The following SMAD5 variants were observed in gnomAD, a reference collection of about 807,000 sequenced individuals.
The protein encoded by SMAD5 is SMAD family member 5.
Under a neutral mutation model 43.1 loss-of-function variants are expected in SMAD5, and 9 were observed. The observed-to-expected ratio is 0.21, with a 90% CI of 0.13 to 0.36. The LOEUF (loss-of-function observed/expected upper bound fraction) is 0.36, where lower values mean the gene tolerates loss of function less well. Ranked by LOEUF, SMAD5 falls within the 10% of genes least tolerant of loss-of-function variation. The pLI, the probability that SMAD5 is intolerant of heterozygous loss-of-function variation, is 1.00. For missense variants in SMAD5, 348 were observed against 574.0 expected, an observed-to-expected ratio of 0.61 and a Z score of 4.02; for synonymous variants, 190 against 192.4, an observed-to-expected ratio of 0.99 and a Z score of 0.10.
chr5:136,136,789 G>A (rs879750860), intron 1 of SMAD5, among the ~76,000 whole-genome samples: 2 of 151,982 alleles, frequency 1.3e-5, no homozygotes, highest in Non-Finnish European at 2.9e-5. Flanking sequence ...TCTGCCTCCC[G>A]GCTTCAAGCG....
chr5:136,157,764 ACT>A (rs1022184952), intron 3 of SMAD5, among the ~76,000 whole-genome samples: 30 of 152,102 alleles, frequency 2.0e-4, no homozygotes, highest in Admixed American at 1.3e-3. Context: ...AGCTTCGCTC[ACT>A]CTCTCTCACC....
At chr5:136,155,738 G>T (rs149528202) in intron 3 of SMAD5, among the ~76,000 whole-genome samples, 15 of 152,058 alleles carry the variant, frequency 9.9e-5, no homozygotes, top group Non-Finnish European at 1.6e-4. Flanking sequence ...TCAAATATCC[G>T]CATCACTAAT....
rs1754599418 is a variant in SMAD5, at chr5:136,180,800, C to T, written c.*3320C>T. 1 of 152,054 alleles carries T rather than the reference C, an allele frequency of 6.6e-6. No homozygotes were observed. The highest frequency in any genetic ancestry group is 2.1e-4 in the South Asian group (1 of 4,836). 9.4% of individuals were successfully genotyped at this position (152,054 alleles called of 1,614,324 possible). A position where few individuals can be genotyped will look rare whatever the true frequency, so the allele number is the denominator to read the frequency against. ...CAGTTCAACAAGCCACATCTAATGG[C>T]ACAGATAGAGGATGTAGCTATTTTA... On this transcript the variant is annotated 3_prime_UTR_variant, in exon 8 of 8. Transcript: ENST00000545279.
chr5:136,161,131 CAA>C (rs11437885), intron 4 of SMAD5, 24 bp downstream of exon 4: 417 of 1,410,194 alleles, frequency 3.0e-4, no homozygotes, highest in South Asian at 6.4e-4. Context: ...TTATTGATAC[CAA>C]AAAAAAAAAA....
chr5:136,170,567 C>T (rs902112357), intron 5 of SMAD5, among the ~76,000 whole-genome samples: 1 of 152,112 alleles, frequency 6.6e-6, no homozygotes, highest in Admixed American at 6.5e-5. Flanking sequence ...TATTTTGAGG[C>T]TTTTACCTCC....
chr5:136,172,685 G>A (rs746964051), intron 6 of SMAD5, 30 bp downstream of exon 6: 9 of 1,401,678 alleles, frequency 6.4e-6, no homozygotes, highest in Middle Eastern at 1.8e-4. Flanking sequence ...ACATTTAATC[G>A]AATTCAATCA....
chr5:136,136,611 C>T (rs960086298), intron 1 of SMAD5, among the ~76,000 whole-genome samples: 1 of 152,158 alleles, frequency 6.6e-6, no homozygotes, highest in Non-Finnish European at 1.5e-5. Flanking sequence ...TCATAGGCCA[C>T]CTTAATATTC....
chr5:136,134,660 TAGAC>T (rs1752814488), intron 1 of SMAD5: 1 of 152,256 alleles, frequency 6.6e-6, no homozygotes, highest in Non-Finnish European at 1.5e-5. Flanking sequence ...ATGCAAAACT[TAGAC>T]AATTTAACAA....
At position 136,178,002 on chromosome 5, in the gene SMAD5, A is replaced by G. The variant is rs1248100213; in HGVS notation, c.*522A>G. On this transcript the variant is annotated 3_prime_UTR_variant, in exon 8 of 8. Transcript: ENST00000545279. ...AAAGAAACTATAAAGTTTTATTTGA[A>G]TGAACACTATGCACTGCTGTAACTG... The G allele has an allele frequency of 6.5e-6, 1 of 153,302 alleles. No individual in the cohort carries two copies. The allele number at this position is 153,302 out of a possible 1,614,324, so 9.5% of individuals were successfully genotyped here. A position where few individuals can be genotyped will look rare whatever the true frequency, so the allele number is the denominator to read the frequency against.
In SMAD5 at chr5:136,180,969, C is replaced by G. The variant is rs1215245339; in HGVS notation, c.*3489C>G. 3 of 152,090 alleles carry G rather than the reference C, an allele frequency of 2.0e-5. No homozygotes were observed. Among genetic ancestry groups the G allele is most frequent in the African/African-American group, 7.2e-5 (3 of 41,432 alleles). The allele number at this position is 152,090 out of a possible 1,614,324, so 9.4% of individuals were successfully genotyped here. ...ATTACCTGAGGGTACCTGTGGGGAA[C>G]AGTTCCTTCCCCTGTGTGGTAGTAT... On this transcript the variant is annotated 3_prime_UTR_variant, in exon 8 of 8. Coordinates refer to ENST00000545279, the MANE Select transcript of SMAD5 (RefSeq NM_005903.7).
chr5:136,143,997 T>C (rs1753179696), intron 1 of SMAD5, among the ~76,000 whole-genome samples: 1 of 152,076 alleles, frequency 6.6e-6, no homozygotes, highest in South Asian at 2.1e-4. Context: ...GTACTCTAAA[T>C]ACCTCATAAA....
At chr5:136,164,566 A>G (rs188171012) in intron 5 of SMAD5, among the ~76,000 whole-genome samples, 2 of 152,206 alleles carry the variant, frequency 1.3e-5, no homozygotes, top group East Asian at 1.9e-4. Flanking sequence ...TCTTTTGCCC[A>G]TTGGGTTGTC....
intron 1 of SMAD5, among the ~76,000 whole-genome samples, chr5:136,136,999 G>T (rs531260751): frequency 6.6e-6 from 1 of 151,130 alleles, no homozygotes; most frequent in Admixed American, 6.6e-5. Context: ...GCCTGGCTGG[G>T]CTCTTTATTT....
Position 136,172,426 on chromosome 5 carries a change from G to A in SMAD5, c.776-8G>A, listed in dbSNP as rs1754261009. 2 of 1,532,522 alleles carry A rather than the reference G, an allele frequency of 1.3e-6. No homozygotes were observed. Among genetic ancestry groups the A allele is most frequent in the South Asian group, 1.1e-5 (1 of 88,246 alleles). The allele number at this position is 1,532,522 out of a possible 1,614,324, so 94.9% of individuals were successfully genotyped here. ...ATTAAACTCTTTCTGTGTCTGGTTT[G>A]TTCACAGATGTTCAGCCTGTTGCCT... On this transcript the variant is annotated splice_region_variant and splice_polypyrimidine_tract_variant and intron_variant, in intron 5 of 7. Transcript: ENST00000545279.
intron 2 of SMAD5, among the ~76,000 whole-genome samples, chr5:136,150,352 A>T (rs913588372): frequency 3.3e-5 from 5 of 151,926 alleles, no homozygotes; most frequent in Non-Finnish European, 5.9e-5. Context: ...TGGGTTTAAA[A>T]TTTGAAATTA....
chr5:136,151,487 T>G (rs1431057673), intron 2 of SMAD5, among the ~76,000 whole-genome samples: 1 of 152,020 alleles, frequency 6.6e-6, no homozygotes, highest in African/African-American at 2.4e-5. Context: ...GAAATAACCT[T>G]AGAATACTTG....
At chr5:136,175,089 G>A (rs1754368094) in intron 7 of SMAD5, among the ~76,000 whole-genome samples, 1 of 152,182 alleles carries the variant, frequency 6.6e-6, no homozygotes, top group Non-Finnish European at 1.5e-5. Context: ...GCAGGCAAGA[G>A]AGAATGAGAG....
At chr5:136,174,169 C>T (rs1165985924) in intron 6 of SMAD5, among the ~76,000 whole-genome samples, 4 of 151,864 alleles carry the variant, frequency 2.6e-5, no homozygotes, top group Admixed American at 2.6e-4. Context: ...TAATCTGCTG[C>T]CTATTTGAGG....
At chr5:136,151,626 G>T (rs6876570) in intron 2 of SMAD5, among the ~76,000 whole-genome samples, 54,123 of 151,704 alleles carry the variant, frequency 0.36, 10,524 homozygotes, top group African/African-American at 0.53. Context: ...TGAAGCTCCT[G>T]TCTTTTTGCC....
Sources: gnomAD v4.1 joint callset for allele counts (sites outside exome capture counted in the v4.1 genomes callset) on GRCh38, gnomAD v4.1.1 for gene constraint, MANE v1.5 for transcripts, NCBI Gene and HGNC (gene_info 2026-07-23, HGNC 2026-07-21) for gene names.